The following PA2G4 variants were observed in gnomAD, a reference collection of about 807,000 sequenced individuals.
PA2G4 encodes the protein proliferation-associated 2G4.
Under a neutral mutation model 53.3 loss-of-function variants are expected in PA2G4, and 8 were observed. The ratio of observed to expected loss-of-function variants is 0.15; its 90% CI spans 0.09 to 0.27. The LOEUF (loss-of-function observed/expected upper bound fraction) is 0.27, where lower values mean the gene tolerates loss of function less well. PA2G4 is among the 10% of genes least tolerant of loss of function. The pLI is 1.00. For synonymous variants in PA2G4, 143 were observed against 169.8 expected (o/e 0.84, Z 1.23); for missense variants, 208 against 486.8 (o/e 0.43, Z 5.39).
Position 56,107,108 on chromosome 12 carries a change from C to A in PA2G4, c.323+13C>A. 6.2e-7 allele frequency: 1 copy of A among 1,605,050 alleles called. No individual in the cohort carries two copies. Among genetic ancestry groups the A allele is most frequent in the Non-Finnish European group, 8.5e-7 (1 of 1,171,846 alleles). On this transcript the variant is annotated intron_variant, in intron 3 of 12. Transcript: ENST00000303305. ...ACTTGGTAAAAATGTAAGGTTAAAC[C>A]GTTTTAAAGCATTTTTCTTTTTTTA...
intron 9 of PA2G4, 118 bp downstream of exon 9, chr12:56,110,810 C>T (rs1869405016): frequency 2.2e-6 from 3 of 1,357,420 alleles, no homozygotes; most frequent in Non-Finnish European, 3.1e-6. Context: ...CTCCCTCCCT[C>T]TCTCTCCCCA....
chr12:56,106,886 A>G, intron 2 of PA2G4, 104 bp from the exon 3 acceptor site: 1 of 1,285,296 alleles, frequency 7.8e-7, no homozygotes, highest in South Asian at 1.4e-5. Flanking sequence ...ATCCAAACTG[A>G]TGAAACTTAA....
rs1869327532 is a variant in PA2G4, at chr12:56,107,571, T to G, written c.444T>G (p.Leu148=). The G allele has an allele frequency of 6.2e-7, 1 of 1,613,940 alleles. No individual in the cohort carries two copies. The highest frequency in any genetic ancestry group is 8.5e-7 in the Non-Finnish European group (1 of 1,179,788). ...CAGATGTTATTAAGGCAGCTCACCTTTGTGCTGAAGCTGCCCTACGCCTGG... is the reference window on the plus strand; with the variant it reads ...CAGATGTTATTAAGGCAGCTCACCTGTGTGCTGAAGCTGCCCTACGCCTGG... ...RKADVIKAAH[L]CAEAALRLVK... Residue 148 remains leucine, a synonymous_variant, in exon 5 of 13, where the codon CTT becomes CTG. Transcript: ENST00000303305.
rs1395288989 is a variant in PA2G4 at position 56,113,593 on chromosome 12, G to A, written c.*705G>A. On this transcript the variant is annotated 3_prime_UTR_variant, in exon 13 of 13. Transcript: ENST00000303305. ...TTACCCTTTTTCTCTGGAGTCAGTG[G>A]GGTCTTTCCTCGCTCCATCTTACAC... is the stretch of plus-strand genomic sequence containing the variant. The A allele has an allele frequency of 1.7e-5, 8 of 457,626 alleles. No homozygotes were observed. The Admixed American group carries it at 2.7e-4, about 15-fold the overall frequency. The allele number at this position is 457,626 out of a possible 1,614,324, so 28.3% of individuals were successfully genotyped here.
rs185472112 is a variant in PA2G4 at position 56,109,683 on chromosome 12, C to T, written c.551-174C>T. On this transcript the variant is annotated intron_variant, in intron 6 of 12. Transcript: ENST00000303305. ...TTTGCAGAATTGAGGCTTTTGCTCC[C>T]TTGAAGATCTATCCTGGCTATAACC... 1.9e-3 allele frequency among the ~76,000 whole-genome samples: 296 copies of T among 152,068 alleles called. 2 individuals carry two copies. The highest frequency in any genetic ancestry group is 6.4e-3 in the African/African-American group (267 of 41,490).
intron 1 of PA2G4, among the ~76,000 whole-genome samples, chr12:56,105,508 A>G (rs552026088): frequency 6.6e-6 from 1 of 152,168 alleles, no homozygotes; most frequent in African/African-American, 2.4e-5. Flanking sequence ...GAAGTTACTC[A>G]TTACTACCAC....
At position 56,111,495 on chromosome 12, in the gene PA2G4, C is replaced by T; in HGVS notation, c.1085C>T (p.Ala362Val). Reference sequence around the variant, plus strand: ...TTCCAGGCCCTCCTCCAGAGTTCTGCAAGTCGAAAAACCCAGAAAAAGAAA... The same window carrying T: ...TTCCAGGCCCTCCTCCAGAGTTCTGTAAGTCGAAAAACCCAGAAAAAGAAA... The part of the protein sequence containing the change: ...AELKALLQSS[A>V]SRKTQKKKKK... The change falls in exon 12 of 13, where the codon GCA becomes GTA. Residue 362 changes from alanine to valine, a missense_variant. Transcript: ENST00000303305. 6.2e-7 allele frequency: 1 copy of T among 1,613,648 alleles called. No homozygotes were observed. The highest frequency in any genetic ancestry group is 8.5e-7 in the Non-Finnish European group (1 of 1,179,886).
Position 56,113,119 on chromosome 12 carries a change from A to C in PA2G4, c.*231A>C. On this transcript the variant is annotated 3_prime_UTR_variant, in exon 13 of 13. Coordinates refer to ENST00000303305, the MANE Select transcript of PA2G4 (RefSeq NM_006191.3). ...CCACGGAAGACTACTTTAAATGAAA[A>C]AAAGAAATTGAATAATAAAATCAGG... is the stretch of plus-strand genomic sequence containing the variant. The C allele has an allele frequency of 2.5e-6, 1 of 399,050 alleles. No individual in the cohort carries two copies. The allele number at this position is 399,050 out of a possible 1,614,324, so 24.7% of individuals were successfully genotyped here. A position where few individuals can be genotyped will look rare whatever the true frequency, so the allele number is the denominator to read the frequency against.
At chr12:56,112,737 A>G (rs1296247181) in intron 12 of PA2G4, 86 bp from the exon 13 acceptor site, 2 of 958,702 alleles carry the variant, frequency 2.1e-6, no homozygotes, top group African/African-American at 1.7e-5. Context: ...TGTCTCAGAA[A>G]AAAAAATACT....
In PA2G4 at chr12:56,113,609, C is replaced by G; in HGVS notation, c.*721C>G. ...GAGTCAGTGGGGTCTTTCCTCGCTCCATCTTACACAGACCTGAGCTGGAAG... is the reference window on the plus strand; with the variant it reads ...GAGTCAGTGGGGTCTTTCCTCGCTCGATCTTACACAGACCTGAGCTGGAAG... On this transcript the variant is annotated 3_prime_UTR_variant, in exon 13 of 13. Coordinates refer to ENST00000303305, the MANE Select transcript of PA2G4 (RefSeq NM_006191.3). 1 of 481,050 alleles carries G rather than the reference C, an allele frequency of 2.1e-6. No individual in the cohort carries two copies. The highest frequency in any genetic ancestry group is 3.6e-6 in the Non-Finnish European group (1 of 274,918). 29.8% of individuals were successfully genotyped at this position (481,050 alleles called of 1,614,324 possible).
chr12:56,113,143 G>A lies in PA2G4; in HGVS notation c.*255G>A, dbSNP rs969288670. Reference sequence around the variant, plus strand: ...AAAAAGAAATTGAATAATAAAATCAGGAGTCAAAATTCATCGTCTTCAAGC... The same window carrying A: ...AAAAAGAAATTGAATAATAAAATCAAGAGTCAAAATTCATCGTCTTCAAGC... On this transcript the variant is annotated 3_prime_UTR_variant, in exon 13 of 13. Coordinates refer to ENST00000303305, the MANE Select transcript of PA2G4 (RefSeq NM_006191.3). 1 of 341,426 alleles carries A rather than the reference G, an allele frequency of 2.9e-6. No homozygotes were observed. The highest frequency in any genetic ancestry group is 5.3e-6 in the Non-Finnish European group (1 of 189,444). The allele number at this position is 341,426 out of a possible 1,614,324, so 21.1% of individuals were successfully genotyped here. A position where few individuals can be genotyped will look rare whatever the true frequency, so the allele number is the denominator to read the frequency against.
intron 7 of PA2G4, among the ~76,000 whole-genome samples, 188 bp downstream of exon 7, chr12:56,110,123 C>T (rs1347254395): frequency 2.0e-5 from 3 of 152,186 alleles, no homozygotes; most frequent in African/African-American, 7.2e-5. Flanking sequence ...CTTTGGGAGG[C>T]TGAGGCGGGT....
At chr12:56,112,355 C>T (rs952605277) in intron 12 of PA2G4, among the ~76,000 whole-genome samples, 10 of 152,178 alleles carry the variant, frequency 6.6e-5, no homozygotes, top group African/African-American at 1.7e-4. Context: ...TATCATGTAT[C>T]GAAATATCCA....
At position 56,110,696 on chromosome 12, in the gene PA2G4, C is replaced by G. The variant is rs1869401531; in HGVS notation, c.842+4C>G. On this transcript the variant is annotated splice_donor_region_variant and intron_variant, in intron 9 of 12. Transcript: ENST00000303305. ...ATGCCATGCCGTTTACTTTAAGGTA[C>G]TAAGCAATGATAGTACTTGGAACCA... is the stretch of plus-strand genomic sequence containing the variant. 1 of 1,613,996 alleles carries G rather than the reference C, an allele frequency of 6.2e-7. No individual in the cohort carries two copies. Among genetic ancestry groups the G allele is most frequent in the Non-Finnish European group, 8.5e-7 (1 of 1,179,914 alleles).
intron 12 of PA2G4, 109 bp downstream of exon 12, chr12:56,111,638 T>C: frequency 1.1e-6 from 1 of 927,826 alleles, no homozygotes; most frequent in Non-Finnish European, 1.7e-6. Context: ...GCTCCTCAAC[T>C]TATATGATAG....
intron 7 of PA2G4, 47 bp from the exon 8 acceptor site, chr12:56,110,350 ACT>A (rs771922925): frequency 3.1e-5 from 35 of 1,118,552 alleles, no homozygotes; most frequent in Middle Eastern, 2.3e-4. Flanking sequence ...ACAGAATGAG[ACT>A]CTGTGTCAAA....
rs1228153400 is a variant in PA2G4 at position 56,113,667 on chromosome 12, G to T, written c.*779G>T. ...GGTTTTGTTCCCTGTTTGAAATATTGTGATCTCCCTCCCATGAAAGAAAAA... is the reference window on the plus strand; with the variant it reads ...GGTTTTGTTCCCTGTTTGAAATATTTTGATCTCCCTCCCATGAAAGAAAAA... On this transcript the variant is annotated 3_prime_UTR_variant, in exon 13 of 13. Coordinates refer to ENST00000303305, the MANE Select transcript of PA2G4 (RefSeq NM_006191.3). 6 of 597,840 alleles carry T rather than the reference G, an allele frequency of 1.0e-5. No individual in the cohort carries two copies. Among genetic ancestry groups the T allele is most frequent in the Non-Finnish European group, 1.8e-5 (6 of 339,462 alleles). 37.0% of individuals were successfully genotyped at this position (597,840 alleles called of 1,614,324 possible). A position where few individuals can be genotyped will look rare whatever the true frequency, so the allele number is the denominator to read the frequency against.
chr12:56,111,514 A>G lies in PA2G4; in HGVS notation c.1104A>G (p.Lys368=). 6.2e-7 allele frequency: 1 copy of G among 1,613,798 alleles called. No homozygotes were observed. Residue 368 remains lysine (K), a synonymous_variant, in exon 12 of 13, where the codon AAA becomes AAG. Transcript: ENST00000303305. ...GTTCTGCAAGTCGAAAAACCCAGAA[A>G]AAGAAAAAAAAGAAGGTGTGTTATT... ...LQSSASRKTQ[K]KKKKKASKTA...
At position 56,107,650 on chromosome 12, in the gene PA2G4, C is replaced by T. The variant is rs368902723; in HGVS notation, c.486+37C>T. The T allele has an allele frequency of 4.2e-6, 6 of 1,434,500 alleles. No homozygotes were observed. In the East Asian group the frequency reaches 1.1e-4, roughly 27 times the overall value. The allele number at this position is 1,434,500 out of a possible 1,614,324, so 88.9% of individuals were successfully genotyped here. A position where few individuals can be genotyped will look rare whatever the true frequency, so the allele number is the denominator to read the frequency against. ...TATCCAATTCCAAAGCTCGTTTGAA[C>T]CAAAGATGCATTAGGCACCTATAGC... On this transcript the variant is annotated intron_variant, in intron 5 of 12. Transcript: ENST00000303305.
Sources: gnomAD v4.1 joint callset for allele counts (sites outside exome capture counted in the v4.1 genomes callset) on GRCh38, gnomAD v4.1.1 for gene constraint, MANE v1.5 for transcripts, NCBI Gene and HGNC (gene_info 2026-07-23, HGNC 2026-07-21) for gene names.